Variants in PCDHGA11 observed in about 807,000 individuals in gnomAD.
The protein encoded by PCDHGA11 is protocadherin gamma subfamily A, 11.
Under a neutral mutation model 60.4 loss-of-function variants are expected in PCDHGA11, and 39 were observed. The observed-to-expected ratio is 0.65, with a 90% CI of 0.50 to 0.84. The LOEUF is 0.84. Ranked by LOEUF, PCDHGA11 falls within the 40% of genes least tolerant of loss-of-function variation. PCDHGA11 has a pLI of 0.00. For missense variants in PCDHGA11, 1,165 were observed against 1,197.7 expected (o/e 0.97, Z 0.40); for synonymous variants, 533 against 510.3 (o/e 1.04, Z -0.60).
In PCDHGA11 at chr5:141,490,823, A is replaced by T. The variant is rs1340589166; in HGVS notation, c.2434-3984A>T. ...CGTACCTTTGACTATGAATTGCTGC[A>T]GATGCTGCAGATTGTGGTGGGGGTT... On this transcript the variant is annotated intron_variant, in intron 1 of 3. Transcript: ENST00000398587. This position sits in a 1 kb window ranked among gnomAD's most constrained non-coding sequence, Gnocchi z 5.4. 13 of 1,613,928 alleles carry T rather than the reference A, an allele frequency of 8.1e-6. No individual in the cohort carries two copies. Among genetic ancestry groups the T allele is most frequent in the Non-Finnish European group, 9.3e-6 (11 of 1,179,864 alleles).
chr5:141,427,985 C>A (rs747784722), intron 1 of PCDHGA11: 23 of 1,597,524 alleles, frequency 1.4e-5, no homozygotes, highest in Non-Finnish European at 1.9e-5. Context: ...CGCTGGGGCC[C>A]GATGGCTCCG....
In PCDHGA11 at chr5:141,431,913, T is replaced by C; in HGVS notation, c.2433+8253T>C. The C allele has an allele frequency of 6.2e-7, 1 of 1,614,140 alleles. No individual in the cohort carries two copies. Among genetic ancestry groups the C allele is most frequent in the Admixed American group, 1.7e-5 (1 of 60,034 alleles). On this transcript the variant is annotated intron_variant, in intron 1 of 3. Transcript: ENST00000398587. This position sits in a 1 kb window ranked among gnomAD's most constrained non-coding sequence, Gnocchi z 4.8. The stretch of plus-strand genomic sequence containing the variant: ...GAGGAAAACGGACAGGTGATCTGTT[T>C]CATCCAAGGAAATCTGCCCTTTAAA...
intron 1 of PCDHGA11, among the ~76,000 whole-genome samples, chr5:141,454,458 G>A (rs535843071): frequency 5.3e-5 from 8 of 152,322 alleles, no homozygotes; most frequent in Non-Finnish European, 1.5e-5. Flanking sequence ...CCAGGCTGGA[G>A]TGCAATGGCA....
At chr5:141,505,081 G>A (rs2099843521) in intron 2 of PCDHGA11, among the ~76,000 whole-genome samples, 3 of 152,146 alleles carry the variant, frequency 2.0e-5, no homozygotes, top group Admixed American at 2.0e-4. Flanking sequence ...AGAATCGCTT[G>A]AACCCAGGAG....
chr5:141,426,371 C>T (rs987346395), intron 1 of PCDHGA11: 4 of 217,048 alleles, frequency 1.8e-5, no homozygotes, highest in African/African-American at 9.0e-5. Context: ...TGCGGGGCAC[C>T]CTCGGAGCAG....
chr5:141,423,246 G>A lies in PCDHGA11; in HGVS notation c.2019G>A (p.Leu673=). ...TGGCCGACAGCATCCCCGAAGTCCTGGCGGACCTCGGCAGCCTCGAGTCTC... is the reference window on the plus strand; with the variant it reads ...TGGCCGACAGCATCCCCGAAGTCCTAGCGGACCTCGGCAGCCTCGAGTCTC... ...VAVADSIPEV[L]ADLGSLESLA... Residue 673 remains leucine (L), a synonymous_variant, in exon 1 of 4, where the codon CTG becomes CTA. Transcript: ENST00000398587. 9.3e-6 allele frequency: 15 copies of A among 1,613,922 alleles called. No homozygotes were observed. Among genetic ancestry groups the A allele is most frequent in the Non-Finnish European group, 1.3e-5 (15 of 1,180,004 alleles).
chr5:141,449,900 A>G (rs2098658617), intron 1 of PCDHGA11, among the ~76,000 whole-genome samples: 2 of 151,878 alleles, frequency 1.3e-5, no homozygotes, highest in South Asian at 2.1e-4. Context: ...TATTTAGCCT[A>G]TAGTCCATAT....
intron 1 of PCDHGA11, among the ~76,000 whole-genome samples, chr5:141,458,526 A>T (rs921943954): frequency 1.7e-4 from 26 of 151,492 alleles, no homozygotes; most frequent in African/African-American, 5.6e-4. Flanking sequence ...TTTTTTTTTA[A>T]CTTATCAACT....
Position 141,489,779 on chromosome 5 carries a change from T to C in PCDHGA11, c.2434-5028T>C, listed in dbSNP as rs1269302289. 1.9e-6 allele frequency: 3 copies of C among 1,614,168 alleles called. No homozygotes were observed. Among genetic ancestry groups the C allele is most frequent in the Non-Finnish European group, 2.5e-6 (3 of 1,179,996 alleles). On this transcript the variant is annotated intron_variant, in intron 1 of 3. Coordinates refer to ENST00000398587, the MANE Select transcript of PCDHGA11 (RefSeq NM_018914.3). The surrounding 1 kb of genome is among the most constrained non-coding windows in gnomAD (Gnocchi z 4.5). ...CTAAGCCCCAACAGCCACTTCTCTC[T>C]GAATGTGAAGACCCTAAAAGATGGG...
intron 2 of PCDHGA11, among the ~76,000 whole-genome samples, chr5:141,501,333 A>ACACC (rs1186649373): frequency 5.5e-4 from 77 of 140,128 alleles, no homozygotes; most frequent in African/African-American, 6.0e-4. Context: ...ACACACACAC[A>ACACC]CCCCAAACTC....
chr5:141,425,401 T>C (rs1280463432), intron 1 of PCDHGA11, among the ~76,000 whole-genome samples: 1 of 152,234 alleles, frequency 6.6e-6, no homozygotes, highest in Non-Finnish European at 1.5e-5. Context: ...AAAGTTCTGT[T>C]AAGGTATAAC....
Position 141,490,849 on chromosome 5 carries a change from C to T in PCDHGA11, c.2434-3958C>T, listed in dbSNP as rs200640560. The stretch of plus-strand genomic sequence containing the variant: ...GATGCTGCAGATTGTGGTGGGGGTT[C>T]GAGACTCCGGCTCTCCCCCATTGCA... On this transcript the variant is annotated intron_variant, in intron 1 of 3. Coordinates refer to ENST00000398587, the MANE Select transcript of PCDHGA11 (RefSeq NM_018914.3). This position sits in a 1 kb window ranked among gnomAD's most constrained non-coding sequence, Gnocchi z 5.4. The T allele has an allele frequency of 1.3e-5, 21 of 1,613,748 alleles. No individual in the cohort carries two copies. Among genetic ancestry groups the T allele is most frequent in the Admixed American group, 1.7e-5 (1 of 60,022 alleles).
chr5:141,429,232 G>T (rs938585192), intron 1 of PCDHGA11: 2 of 151,668 alleles, frequency 1.3e-5, no homozygotes, highest in Non-Finnish European at 2.9e-5. Flanking sequence ...TTATGATACT[G>T]CTGTCATTGA....
At chr5:141,464,400 G>GAGATATATATATATCTATATATAT (rs2099082782) in intron 1 of PCDHGA11, among the ~76,000 whole-genome samples, 3 of 151,366 alleles carry the variant, frequency 2.0e-5, no homozygotes, top group African/African-American at 4.9e-5. Context: ...TGAAGAACCT[G>GAGATATATATATATCTATATATAT]AGATATATAT....
Position 141,423,619 on chromosome 5 carries a change from T to A in PCDHGA11, c.2392T>A (p.Ser798Thr), listed in dbSNP as rs1389600826. The change falls in exon 1 of 4, where the codon TCA becomes ACA. Residue 798 changes from serine (S) to threonine (T), a missense_variant. Coordinates refer to ENST00000398587, the MANE Select transcript of PCDHGA11 (RefSeq NM_018914.3). Reference sequence around the variant, plus strand: ...CGAGCCACTCTTGATAGCTGAAGACTCAGCTATCATTTTAGGCAAATGTGA... The same window carrying A: ...CGAGCCACTCTTGATAGCTGAAGACACAGCTATCATTTTAGGCAAATGTGA... ...KSEPLLIAED[S>T]AIILGKCDPT... is the part of the protein sequence containing the mutation. The A allele has an allele frequency of 1.2e-6, 2 of 1,608,208 alleles. No individual in the cohort carries two copies. The highest frequency in any genetic ancestry group is 1.7e-6 in the Non-Finnish European group (2 of 1,177,174).
At chr5:141,463,738 G>C (rs1002263384) in intron 1 of PCDHGA11, among the ~76,000 whole-genome samples, 1 of 151,978 alleles carries the variant, frequency 6.6e-6, no homozygotes, top group East Asian at 1.9e-4. Flanking sequence ...GAGCCACCGC[G>C]CCCGGCCTGC....
chr5:141,485,687 C>T lies in PCDHGA11; in HGVS notation c.2434-9120C>T. 1 of 1,614,066 alleles carries T rather than the reference C, an allele frequency of 6.2e-7. No individual in the cohort carries two copies. Among genetic ancestry groups the T allele is most frequent in the Non-Finnish European group, 8.5e-7 (1 of 1,179,966 alleles). ...GAGCAATTCGATTAGCAGCTATAGG[C>T]TGAGCTCCAATGAACACTTTGCACT... On this transcript the variant is annotated intron_variant, in intron 1 of 3. Transcript: ENST00000398587. The surrounding 1 kb of genome is among the most constrained non-coding windows in gnomAD (Gnocchi z 5.7).
At chr5:141,436,778 G>A (rs2097846346) in intron 1 of PCDHGA11, among the ~76,000 whole-genome samples, 1 of 152,154 alleles carries the variant, frequency 6.6e-6, no homozygotes, top group African/African-American at 2.4e-5. Flanking sequence ...ATTTGTGGAT[G>A]GAAATAAAAC....
intron 2 of PCDHGA11, among the ~76,000 whole-genome samples, chr5:141,502,989 G>A (rs140974023): frequency 0.024 from 3,652 of 150,590 alleles, 56 homozygotes; most frequent in East Asian, 0.043. Context: ...GATTACAGGC[G>A]TGTGCCACCA....
Sources: gnomAD v4.1 joint callset for allele counts (sites outside exome capture counted in the v4.1 genomes callset) on GRCh38, gnomAD v4.1.1 for gene constraint, Gnocchi (gnomAD v3.1) non-coding constraint, MANE v1.5 for transcripts, NCBI Gene and HGNC (gene_info 2026-07-23, HGNC 2026-07-21) for gene names.